The following TPO variants were observed in gnomAD, a reference collection of about 807,000 sequenced individuals.
TPO encodes the protein thyroid microsomal antigen.
A neutral mutation model predicts 96.9 loss-of-function variants in TPO; 78 were observed. The observed-to-expected ratio is 0.81, with a 90% CI of 0.67 to 0.97. TPO has a LOEUF of 0.97. TPO is among the 50% of genes least tolerant of loss of function. TPO has a pLI of 0.00. For synonymous variants in TPO, 547 were observed against 538.0 expected, an observed-to-expected ratio of 1.02 and a Z score of -0.23; for missense variants, 1,252 against 1,274.8, an observed-to-expected ratio of 0.98 and a Z score of 0.27.
At chr2:1,393,049 A>G (rs971721206) in intron 1 of TPO, among the ~76,000 whole-genome samples, 8 of 152,222 alleles carry the variant, frequency 5.3e-5, no homozygotes, top group Non-Finnish European at 1.0e-4. Flanking sequence ...ATAAAGAAAT[A>G]CCTGAGGCAA....
intron 15 of TPO, among the ~76,000 whole-genome samples, chr2:1,525,853 A>G (rs1202132740): frequency 3.5e-4 from 25 of 70,908 alleles, no homozygotes; most frequent in African/African-American, 5.5e-4. Context: ...GCAACCTCCC[A>G]AAATCCCCCA....
chr2:1,390,995 A>C lies in TPO; in HGVS notation n.180+16593A>C, dbSNP rs555977865. 3.1e-4 allele frequency among the ~76,000 whole-genome samples: 47 copies of C among 152,182 alleles called. No homozygotes were observed. In the South Asian group the frequency reaches 9.7e-3, roughly 32 times the overall value. ...TTCTGTAGGTTGCCTGTTCACTCTG[A>C]TGGTAGTTTCTTTTGCTGTGCAGAA... On this transcript the variant is annotated intron_variant and non_coding_transcript_variant, in intron 1 of 5. Transcript: ENST00000497517.
chr2:1,391,104 C>A (rs1340202904), intron 1 of TPO, among the ~76,000 whole-genome samples: 1 of 152,156 alleles, frequency 6.6e-6, no homozygotes, highest in African/African-American at 2.4e-5. Flanking sequence ...AAGTCCTTGC[C>A]CATGCCTATG....
intron 5 of TPO, chr2:1,438,915 A>G: frequency 1.4e-6 from 1 of 710,372 alleles, no homozygotes; most frequent in Admixed American, 2.1e-5. Context: ...AACTGAAGCC[A>G]GTCAAAGCTT....
chr2:1,422,574 G>T (rs2048726), intron 2 of TPO, among the ~76,000 whole-genome samples: 76,731 of 152,092 alleles, frequency 0.5, 20,705 homozygotes, highest in African/African-American at 0.7. Context: ...GAACTTCACG[G>T]TGATACCCAG....
intron 15 of TPO, among the ~76,000 whole-genome samples, chr2:1,526,726 T>A (rs1168387543): frequency 3.6e-5 from 1 of 27,716 alleles, no homozygotes; most frequent in Non-Finnish European, 6.7e-5. Context: ...AAATCCCACC[T>A]AATGTGTGCA....
intron 1 of TPO, among the ~76,000 whole-genome samples, chr2:1,386,237 G>A (rs1661892387): frequency 6.6e-6 from 1 of 152,112 alleles, no homozygotes; most frequent in South Asian, 2.1e-4. Context: ...GGTCCACTTG[G>A]TGCAGAGCTC....
intron 14 of TPO, among the ~76,000 whole-genome samples, chr2:1,511,838 A>C (rs1168618540): frequency 1.3e-5 from 2 of 152,214 alleles, no homozygotes; most frequent in East Asian, 3.9e-4. Context: ...TCAGCATGAG[A>C]ATCTGGGAGA....
intron 5 of TPO, among the ~76,000 whole-genome samples, chr2:1,445,931 T>C (rs938735391): frequency 1.3e-5 from 2 of 152,180 alleles, no homozygotes; most frequent in African/African-American, 2.4e-5. Context: ...GATCCCGTCA[T>C]TGCTGCAGGA....
Position 1,512,427 on chromosome 2 carries a change from G to C in TPO, c.2519-4456G>C, listed in dbSNP as rs758158733. On this transcript the variant is annotated intron_variant, in intron 14 of 16. Transcript: ENST00000329066. Reference sequence around the variant, plus strand: ...GCCAAGGGCGTCCGAGAGAGCCCCTGAGCCCGGCCCGGACCAGCGCCCGTG... The same window carrying C: ...GCCAAGGGCGTCCGAGAGAGCCCCTCAGCCCGGCCCGGACCAGCGCCCGTG... 3.0e-6 allele frequency: 3 copies of C among 985,356 alleles called. No individual in the cohort carries two copies. The African/African-American group carries it at 5.2e-5, about 17-fold the overall frequency. 61.0% of individuals were successfully genotyped at this position (985,356 alleles called of 1,614,324 possible). A position where few individuals can be genotyped will look rare whatever the true frequency, so the allele number is the denominator to read the frequency against.
rs732608 is a variant in TPO, at chr2:1,496,127, C to T, written c.2145C>T (p.Pro715=). ...ATGCCTTCCAAGTCGGCAAATTCCCCGAAGACTTTGAGTCTTGTGACAGCA... is the reference window on the plus strand; with the variant it reads ...ATGCCTTCCAAGTCGGCAAATTCCCTGAAGACTTTGAGTCTTGTGACAGCA... ...PMDAFQVGKF[P]EDFESCDSIT... The change falls in exon 12 of 17, where the codon CCC becomes CCT. Residue 715 remains proline, a synonymous_variant. Coordinates refer to ENST00000329066, the MANE Select transcript of TPO (RefSeq NM_001206744.2). 0.41 allele frequency: 659,699 copies of T among 1,612,706 alleles called. 136,110 individuals are homozygous for T. The highest frequency in any genetic ancestry group is 0.5 in the South Asian group (45,412 of 90,888).
rs1274465435 is a variant in TPO, at chr2:1,477,403, C to T, written c.1137C>T (p.Pro379=). 3.3e-6 allele frequency: 5 copies of T among 1,524,706 alleles called. No individual in the cohort carries two copies. Among genetic ancestry groups the T allele is most frequent in the East Asian group, 2.5e-5 (1 of 39,854 alleles). 94.4% of individuals were successfully genotyped at this position (1,524,706 alleles called of 1,614,324 possible). The change falls in exon 8 of 17, where the codon CCC becomes CCT. Residue 379 remains proline (P), a synonymous_variant. Transcript: ENST00000329066. ...PRAPAACAPE[P]GIPGETRGPC... ...CGCCTGCGGCCTGTGCGCCCGAGCC[C>T]GGCATCCCCGGAGAGACCCGCGGGC...
At chr2:1,479,083 G>A (rs966857235) in intron 8 of TPO, among the ~76,000 whole-genome samples, 10 of 152,224 alleles carry the variant, frequency 6.6e-5, no homozygotes, top group Admixed American at 5.2e-4. Context: ...TTCAAGCAGC[G>A]ACTCAGACAC....
chr2:1,431,448 G>A (rs887269856), intron 3 of TPO, among the ~76,000 whole-genome samples: 2 of 152,052 alleles, frequency 1.3e-5, no homozygotes, highest in African/African-American at 4.8e-5. Context: ...CCATTCTCAG[G>A]TATTTCTTTA....
Position 1,468,558 on chromosome 2 carries a change from T to A in TPO, c.820-8528T>A, listed in dbSNP as rs58812560. On this transcript the variant is annotated intron_variant, in intron 7 of 16. Transcript: ENST00000329066. ...CCCAATCCCTTCTAGCTTGTAGGGTTTCTGCTGAGAAATCTGCTGTTAATC... is the reference window on the plus strand; with the variant it reads ...CCCAATCCCTTCTAGCTTGTAGGGTATCTGCTGAGAAATCTGCTGTTAATC... 4.4e-3 allele frequency among the ~76,000 whole-genome samples: 675 copies of A among 152,338 alleles called. 4 individuals carry two copies. Among genetic ancestry groups the A allele is most frequent in the African/African-American group, 0.016 (648 of 41,578 alleles).
intron 10 of TPO, among the ~76,000 whole-genome samples, chr2:1,492,764 G>T (rs561491124): frequency 8.5e-5 from 13 of 152,342 alleles, no homozygotes; most frequent in Non-Finnish European, 1.6e-4. Context: ...GGAGCCTGTG[G>T]TGGGCAGGGC....
intron 1 of TPO, among the ~76,000 whole-genome samples, chr2:1,380,384 ACT>A (rs1178578886): frequency 7.5e-6 from 1 of 133,298 alleles, no homozygotes; most frequent in Non-Finnish European, 1.6e-5. Context: ...ACAGAGCGAG[ACT>A]CTGTCTCAAA....
chr2:1,522,719 C>A (rs924524368), intron 15 of TPO, among the ~76,000 whole-genome samples: 15 of 152,152 alleles, frequency 9.9e-5, no homozygotes, highest in African/African-American at 3.6e-4. Flanking sequence ...CCACTGTCTG[C>A]AACCTCCCCA....
chr2:1,434,359 G>A (rs1009825208), intron 4 of TPO, among the ~76,000 whole-genome samples: 1 of 152,162 alleles, frequency 6.6e-6, no homozygotes, highest in African/African-American at 2.4e-5. Context: ...ATTTGGTGCT[G>A]GTTACTTAGC....
Sources: gnomAD v4.1 joint callset for allele counts (sites outside exome capture counted in the v4.1 genomes callset) on GRCh38, gnomAD v4.1.1 for gene constraint, MANE v1.5 for transcripts, NCBI Gene and HGNC (gene_info 2026-07-23, HGNC 2026-07-21) for gene names.